Variants in ZNF385D observed in about 807,000 individuals in gnomAD.
The protein encoded by ZNF385D is zinc finger protein 385D.
In ZNF385D, 15 loss-of-function variants were observed where a neutral mutation model predicts 35.8. That is an observed-to-expected ratio of 0.42 (90% CI 0.28 to 0.64). The LOEUF is 0.64. Ranked by LOEUF, ZNF385D falls within the 30% of genes least tolerant of loss-of-function variation. ZNF385D has a pLI of 0.23. For missense variants in ZNF385D, 474 were observed against 494.6 expected, an observed-to-expected ratio of 0.96 and a Z score of 0.39; for synonymous variants, 212 against 186.8, an observed-to-expected ratio of 1.13 and a Z score of -1.10.
intron 2 of ZNF385D, among the ~76,000 whole-genome samples, chr3:22,261,485 G>C (rs1002737457): frequency 1.3e-5 from 2 of 151,920 alleles, no homozygotes; most frequent in African/African-American, 4.8e-5. Flanking sequence ...CTAGGAGCTA[G>C]TATATTGTAA....
At chr3:22,329,754 A>T (rs181920714) in intron 2 of ZNF385D, among the ~76,000 whole-genome samples, 1 of 152,038 alleles carries the variant, frequency 6.6e-6, no homozygotes, top group Non-Finnish European at 1.5e-5. Flanking sequence ...CCACAGGAAG[A>T]AGTACAAAGA....
At chr3:22,020,146 T>C (rs1365083877) in intron 3 of ZNF385D, among the ~76,000 whole-genome samples, 2 of 151,892 alleles carry the variant, frequency 1.3e-5, no homozygotes, top group African/African-American at 4.8e-5. Flanking sequence ...TGGATACTAT[T>C]GTAACAATTC....
At chr3:22,167,639 C>A (rs1706422202) in intron 3 of ZNF385D, among the ~76,000 whole-genome samples, 1 of 152,176 alleles carries the variant, frequency 6.6e-6, no homozygotes, top group African/African-American at 2.4e-5. Flanking sequence ...TGGGGCAGAG[C>A]CAGCCCCAAA....
upstream of ZNF385D, among the ~76,000 whole-genome samples, chr3:21,752,823 T>A (rs1159671934): frequency 6.6e-6 from 1 of 152,184 alleles, no homozygotes; most frequent in Non-Finnish European, 1.5e-5. Flanking sequence ...AATGCGTAAA[T>A]GTTTTTTCCT....
intron 3 of ZNF385D, among the ~76,000 whole-genome samples, chr3:22,125,655 G>C (rs991420857): frequency 6.6e-6 from 1 of 151,822 alleles, no homozygotes; most frequent in Non-Finnish European, 1.5e-5. Flanking sequence ...TTTTGGTTAA[G>C]TTTATTATCA....
chr3:22,218,942 A>C (rs1001026692), intron 2 of ZNF385D, among the ~76,000 whole-genome samples: 2 of 152,118 alleles, frequency 1.3e-5, no homozygotes, highest in African/African-American at 4.8e-5. Flanking sequence ...GACTGTAAGG[A>C]TCTATTCTAC....
intron 2 of ZNF385D, among the ~76,000 whole-genome samples, chr3:22,181,248 T>C (rs575493731): frequency 1.1e-3 from 171 of 152,182 alleles, no homozygotes; most frequent in African/African-American, 4.0e-3. Context: ...AATATTTTCT[T>C]ATACCCAGAT....
At chr3:22,341,883 C>A (rs1695435579) in intron 2 of ZNF385D, among the ~76,000 whole-genome samples, 1 of 152,110 alleles carries the variant, frequency 6.6e-6, no homozygotes, top group Non-Finnish European at 1.5e-5. Flanking sequence ...AGTAGGTGCT[C>A]AGTAAATTTG....
intron 2 of ZNF385D, among the ~76,000 whole-genome samples, chr3:22,337,787 G>T: frequency 6.6e-6 from 1 of 152,172 alleles, no homozygotes; most frequent in East Asian, 1.9e-4. Context: ...GGCAGGAAAA[G>T]AATGGAACCA....
chr3:22,078,979 G>C (rs796211398), intron 3 of ZNF385D, among the ~76,000 whole-genome samples: 15 of 152,068 alleles, frequency 9.9e-5, no homozygotes, highest in African/African-American at 3.4e-4. Flanking sequence ...GATTATGTAT[G>C]CTTACCTTAA....
Position 21,639,479 on chromosome 3 carries a change from G to C in ZNF385D, c.165+25407C>G, listed in dbSNP as rs1269734368. The stretch of plus-strand genomic sequence containing the variant: ...TACTTAAAATGCAATTTTATATAAT[G>C]CTTGAATTTATCATGAGCTCTTCTT... On this transcript the variant is annotated intron_variant, in intron 2 of 7. Coordinates refer to ENST00000281523, the MANE Select transcript of ZNF385D (RefSeq NM_024697.3). Among the ~76,000 whole-genome samples the C allele has an allele frequency of 4.6e-5, 7 of 151,964 alleles. No homozygotes were observed. The East Asian group carries it at 1.4e-3, about 29-fold the overall frequency.
At chr3:22,094,385 G>GAGATAT (rs1491256865) in intron 3 of ZNF385D, among the ~76,000 whole-genome samples, 1,624 of 70,768 alleles carry the variant, frequency 0.023, 65 homozygotes, top group African/African-American at 0.064. Flanking sequence ...ATTTATTGTT[G>GAGATAT]ATATATATAT....
chr3:21,735,258 A>G (rs976376541), intron 1 of ZNF385D, among the ~76,000 whole-genome samples: 12 of 152,200 alleles, frequency 7.9e-5, no homozygotes, highest in African/African-American at 2.9e-4. Flanking sequence ...CTCATCTCCT[A>G]GAAGTGTGGT....
At chr3:21,707,799 T>A (rs773020606) in intron 1 of ZNF385D, among the ~76,000 whole-genome samples, 52 of 152,332 alleles carry the variant, frequency 3.4e-4, no homozygotes, top group Non-Finnish European at 7.2e-4. Flanking sequence ...TTGATCGGTC[T>A]TCAAAGATGG....
chr3:21,500,108 C>T lies in ZNF385D; in HGVS notation c.439+10753G>A, dbSNP rs58255754. On this transcript the variant is annotated intron_variant, in intron 4 of 7. Transcript: ENST00000281523. ...AATTTTATGCTGTCTCTGGGAAATG[C>T]TCAGCCCAATGGTGGCACATTCAAA... Among the ~76,000 whole-genome samples the T allele has an allele frequency of 4.0e-3, 616 of 152,302 alleles. 5 individuals carry two copies. The highest frequency in any genetic ancestry group is 0.014 in the African/African-American group (584 of 41,566).
At chr3:22,190,437 G>C (rs1263480072) in intron 2 of ZNF385D, among the ~76,000 whole-genome samples, 1 of 152,122 alleles carries the variant, frequency 6.6e-6, no homozygotes, top group Admixed American at 6.6e-5. Context: ...TCAAATGAGT[G>C]GTAAGTTCCT....
chr3:21,465,074 T>C lies in ZNF385D; in HGVS notation c.440-27871A>G, dbSNP rs1703432103. Among the ~76,000 whole-genome samples, 1 of 152,210 alleles carries C rather than the reference T, an allele frequency of 6.6e-6. No homozygotes were observed. The highest frequency in any genetic ancestry group is 1.5e-5 in the Non-Finnish European group (1 of 68,036). ...TTTACAGAAAGATTTCATATCCAGG[T>C]ACTTTACATCTTGTTTTCAACAGAT... On this transcript the variant is annotated intron_variant, in intron 4 of 7. Transcript: ENST00000281523. This position sits in a 1 kb window ranked among gnomAD's most constrained non-coding sequence, Gnocchi z 4.2.
chr3:21,817,854 T>C (rs2073220882), intron 3 of ZNF385D, among the ~76,000 whole-genome samples: 1 of 152,182 alleles, frequency 6.6e-6, no homozygotes, highest in Non-Finnish European at 1.5e-5. Flanking sequence ...ACGTAAATCA[T>C]GCTGCTATAA....
chr3:21,865,248 A>G (rs966915543), intron 3 of ZNF385D, among the ~76,000 whole-genome samples: 21 of 151,792 alleles, frequency 1.4e-4, no homozygotes, highest in African/African-American at 5.1e-4. Flanking sequence ...AATCTGCTAT[A>G]CACACTTACA....
Sources: gnomAD v4.1 joint callset for allele counts (sites outside exome capture counted in the v4.1 genomes callset) on GRCh38, gnomAD v4.1.1 for gene constraint, Gnocchi (gnomAD v3.1) non-coding constraint, MANE v1.5 for transcripts, NCBI Gene and HGNC (gene_info 2026-07-23, HGNC 2026-07-21) for gene names.